RNH1: variants seen among roughly 807,000 people sequenced by gnomAD.
RNH1 encodes the protein ribonuclease/angiogenin inhibitor 1, also known as ribonuclease inhibitor.
A neutral mutation model predicts 46.1 loss-of-function variants in RNH1; 38 were observed. The ratio of observed to expected loss-of-function variants is 0.82; its 90% CI spans 0.64 to 1.08. The LOEUF (loss-of-function observed/expected upper bound fraction) is 1.08. RNH1 is among the 50% of genes least tolerant of loss of function. The pLI, the probability that RNH1 is intolerant of heterozygous loss-of-function variation, is 0.00. For synonymous variants in RNH1, 319 were observed against 279.1 expected (o/e 1.14, Z -1.43); for missense variants, 577 against 590.7 (o/e 0.98, Z 0.24).
chr11:499,513 C>T, intron 5 of RNH1: 2 of 697,302 alleles, frequency 2.9e-6, no homozygotes, highest in Non-Finnish European at 5.2e-6. Context: ...CCCCCACACA[C>T]ACTGAGGCGG....
chr11:506,448 G>C (rs893452427), intron 1 of RNH1: 8 of 152,160 alleles, frequency 5.3e-5, no homozygotes, highest in African/African-American at 1.7e-4. Flanking sequence ...CCCTGACACC[G>C]GCCCCTAAGT....
rs186956360 is a variant in RNH1, at chr11:505,227, T to C, written c.-260-231A>G. The C allele has an allele frequency of 1.1e-3, 168 of 152,280 alleles. 1 individual carries two copies. The highest frequency in any genetic ancestry group is 3.9e-3 in the African/African-American group (162 of 41,560). 9.4% of individuals were successfully genotyped at this position (152,280 alleles called of 1,614,324 possible). A position where few individuals can be genotyped will look rare whatever the true frequency, so the allele number is the denominator to read the frequency against. ...TTCAGAATAAATCCCTTCAAATATT[T>C]TACATTTTAACTATTCTTATCGACA... On this transcript the variant is annotated intron_variant, in intron 1 of 10. Transcript: ENST00000354420.
In RNH1 at chr11:501,936, G is replaced by A. The variant is rs1047982420; in HGVS notation, c.101+126C>T. Reference sequence around the variant, plus strand: ...AGAATCACATCTCATGCACGTGGTAGCTGCACAGAATTCATACTTCATGTC... The same window carrying A: ...AGAATCACATCTCATGCACGTGGTAACTGCACAGAATTCATACTTCATGTC... On this transcript the variant is annotated intron_variant, in intron 3 of 10. Coordinates refer to ENST00000354420, the MANE Select transcript of RNH1 (RefSeq NM_203387.3). This position sits in a 1 kb window ranked among gnomAD's most constrained non-coding sequence, Gnocchi z 4.1. 5 of 641,996 alleles carry A rather than the reference G, an allele frequency of 7.8e-6. No homozygotes were observed. In the African/African-American group the frequency reaches 9.1e-5, roughly 12 times the overall value. The allele number at this position is 641,996 out of a possible 1,614,324, so 39.8% of individuals were successfully genotyped here.
intron 9 of RNH1, among the ~76,000 whole-genome samples, chr11:495,486 G>A (rs550614104): frequency 1.3e-5 from 2 of 152,300 alleles, no homozygotes; most frequent in African/African-American, 2.4e-5. Flanking sequence ...AGGCTCCAGA[G>A]AGAGACAAGA....
At chr11:498,241 A>T (rs1849358469) in intron 8 of RNH1, 100 bp from the exon 9 acceptor site, 1 of 1,381,022 alleles carries the variant, frequency 7.2e-7, no homozygotes. Context: ...CTGAGCAAAA[A>T]CATCTGACAG....
intron 4 of RNH1, 104 bp from the exon 5 acceptor site, chr11:500,103 CTA>C: frequency 2.3e-6 from 3 of 1,289,240 alleles, no homozygotes; most frequent in Non-Finnish European, 3.1e-6. Context: ...GGCGGCAGGT[CTA>C]TACCTGCTCC....
intron 1 of RNH1, chr11:505,518 T>A (rs1260028034): frequency 6.6e-6 from 1 of 152,198 alleles, no homozygotes; most frequent in Non-Finnish European, 1.5e-5. Flanking sequence ...CAGAAGGAAC[T>A]ACCCTTGCCA....
intron 9 of RNH1, among the ~76,000 whole-genome samples, chr11:497,610 C>T (rs1849268067): frequency 6.7e-6 from 1 of 148,830 alleles, no homozygotes; most frequent in Non-Finnish European, 1.5e-5. Flanking sequence ...CACTGACCCT[C>T]GTGCTCACTC....
At chr11:496,067 G>A (rs1178098421) in intron 9 of RNH1, among the ~76,000 whole-genome samples, 2 of 152,004 alleles carry the variant, frequency 1.3e-5, no homozygotes, top group Non-Finnish European at 2.9e-5. Flanking sequence ...AGGCTCATGG[G>A]CACACCAAAA....
rs961446404 is a variant in RNH1 at position 500,305 on chromosome 11, CCT to C, written c.272+177_272+178del. On this transcript the variant is annotated intron_variant, in intron 4 of 10. Transcript: ENST00000354420. ...GGGGCTGGGATAAGGCAGGAAGGGCCCTGTCCCCCCCGCTGTGAGACCGCCAG... is the reference window on the plus strand; with the variant it reads ...GGGGCTGGGATAAGGCAGGAAGGGCCGTCCCCCCCGCTGTGAGACCGCCAG... The C allele has an allele frequency of 1.0e-5, 8 of 785,350 alleles. No individual in the cohort carries two copies. In the African/African-American group the frequency reaches 1.4e-4, roughly 14 times the overall value. The allele number at this position is 785,350 out of a possible 1,614,324, so 48.6% of individuals were successfully genotyped here.
At chr11:497,872 ACT>A (rs765794711) in intron 9 of RNH1, 97 bp downstream of exon 9, 49 of 1,411,822 alleles carry the variant, frequency 3.5e-5, no homozygotes, top group East Asian at 1.4e-4. Flanking sequence ...ACACACGGAC[ACT>A]CGTGCTCACA....
At chr11:496,153 A>G (rs778783065) in intron 9 of RNH1, among the ~76,000 whole-genome samples, 2 of 152,242 alleles carry the variant, frequency 1.3e-5, no homozygotes, top group Non-Finnish European at 2.9e-5. Context: ...TCCAGCACAA[A>G]GAACCAAGAC....
intron 4 of RNH1, chr11:500,275 G>GT (rs959780069): frequency 1.4e-5 from 10 of 692,364 alleles, no homozygotes; most frequent in Non-Finnish European, 2.1e-5. Context: ...CAGATCTTGG[G>GT]TGCGGGGGCT....
chr11:499,921 C>T lies in RNH1; in HGVS notation c.351G>A (p.Glu117=), dbSNP rs573983434. The T allele has an allele frequency of 6.2e-6, 10 of 1,612,898 alleles. 1 individual carries two copies. The highest frequency in any genetic ancestry group is 5.5e-5 in the South Asian group (5 of 91,038). The change falls in exon 5 of 11, where the codon GAG becomes GAA. Residue 117 remains glutamate (E), a synonymous_variant. Coordinates refer to ENST00000354420, the MANE Select transcript of RNH1 (RefSeq NM_203387.3). ...CCAAGAGGTTGTCGCTGAGGTGCAG[C>T]TCCTGCAGGGTGGGCAGGGTGCGTA... is the stretch of plus-strand genomic sequence containing the variant. The part of the protein sequence containing the change: ...STLRTLPTLQ[E]LHLSDNLLGD...
chr11:496,989 T>C (rs994742170), intron 9 of RNH1, among the ~76,000 whole-genome samples: 12 of 152,226 alleles, frequency 7.9e-5, no homozygotes, highest in Admixed American at 7.2e-4. Flanking sequence ...AAATGAGAAC[T>C]AAGCCAGAGT....
In RNH1 at chr11:500,609, G is replaced by A; in HGVS notation, c.147C>T (p.Ser49=). 2 of 1,609,592 alleles carry A rather than the reference G, an allele frequency of 1.2e-6. No individual in the cohort carries two copies. Among genetic ancestry groups the A allele is most frequent in the Non-Finnish European group, 1.7e-6 (2 of 1,179,970 alleles). ...GTGCAGGGTTGACTCGAAGTGCAGA[G>A]CTGATGTCCTTGCACCGTGCTTCCG... is the stretch of plus-strand genomic sequence containing the variant. ...GLTEARCKDI[S]SALRVNPALA... is the part of the protein sequence containing the mutation. Residue 49 remains serine, a synonymous_variant, in exon 4 of 11, where the codon AGC becomes AGT. Coordinates refer to ENST00000354420, the MANE Select transcript of RNH1 (RefSeq NM_203387.3).
intron 4 of RNH1, 162 bp downstream of exon 4, chr11:500,322 G>T: frequency 2.3e-6 from 2 of 880,648 alleles, no homozygotes; most frequent in East Asian, 2.7e-5. Flanking sequence ...CCCCCGCTGT[G>T]AGACCGCCAG....
Position 495,035 on chromosome 11 carries a change from C to T in RNH1, c.1146G>A (p.Val382=). ...LRVLWLADCD[V]SDSSCSSLAA... is the part of the protein sequence containing the mutation. ...CGAGGCTGCTGCAGCTGCTGTCACT[C>T]ACATCGCAGTCGGCCAACCTGGGTG... Residue 382 remains valine, a synonymous_variant, in exon 10 of 11, where the codon GTG becomes GTA. Coordinates refer to ENST00000354420, the MANE Select transcript of RNH1 (RefSeq NM_203387.3). 1 of 1,605,150 alleles carries T rather than the reference C, an allele frequency of 6.2e-7. No individual in the cohort carries two copies. The highest frequency in any genetic ancestry group is 1.7e-5 in the Admixed American group (1 of 58,698).
At position 500,272 on chromosome 11, in the gene RNH1, TG is replaced by T. The variant is rs1376213894; in HGVS notation, c.272+211del. On this transcript the variant is annotated intron_variant, in intron 4 of 10. Coordinates refer to ENST00000354420, the MANE Select transcript of RNH1 (RefSeq NM_203387.3). ...AGGGATGGCGGGCAGGGCCAGATCT[TG>T]GGTGCGGGGGCTGGGATAAGGCAGG... The T allele has an allele frequency of 4.4e-6, 3 of 688,138 alleles. No individual in the cohort carries two copies. In the African/African-American group the frequency reaches 5.4e-5, roughly 12 times the overall value. The allele number at this position is 688,138 out of a possible 1,614,324, so 42.6% of individuals were successfully genotyped here.
Sources: gnomAD v4.1 joint callset for allele counts (sites outside exome capture counted in the v4.1 genomes callset) on GRCh38, gnomAD v4.1.1 for gene constraint, Gnocchi (gnomAD v3.1) non-coding constraint, MANE v1.5 for transcripts, NCBI Gene and HGNC (gene_info 2026-07-23, HGNC 2026-07-21) for gene names.